Variants in KDM6A observed in about 807,000 individuals in gnomAD.
KDM6A encodes lysine-specific demethylase 6A.
Under a neutral mutation model 117.6 loss-of-function variants are expected in KDM6A, and 11 were observed. That is an observed-to-expected ratio of 0.09 (90% CI 0.06 to 0.15). KDM6A has a LOEUF of 0.15. Among genes scored for constraint, KDM6A ranks in the 10% least tolerant of loss-of-function variants. The pLI is 1.00. For missense variants in KDM6A, 799 were observed against 1,077.3 expected, an observed-to-expected ratio of 0.74 and a Z score of 3.62; for synonymous variants, 384 against 396.1, an observed-to-expected ratio of 0.97 and a Z score of 0.36.
intron 2 of KDM6A, among the ~76,000 whole-genome samples, chrX:44,953,251 A>G (rs2038126494): frequency 9.0e-6 from 1 of 110,761 alleles, no homozygotes; most frequent in Non-Finnish European, 1.9e-5. Context: ...AGTCCAGGAG[A>G]GTTACTGAAG....
intron 2 of KDM6A, among the ~76,000 whole-genome samples, chrX:44,916,982 A>G (rs914546121): frequency 1.9e-5 from 2 of 107,171 alleles, no homozygotes; most frequent in African/African-American, 6.9e-5. Flanking sequence ...TCTTTCCTGC[A>G]TGATTGCTAT....
At chrX:44,902,534 C>T (rs1439355571) in intron 2 of KDM6A, among the ~76,000 whole-genome samples, 1 of 109,513 alleles carries the variant, frequency 9.1e-6, no homozygotes, top group Admixed American at 9.7e-5. Context: ...GGATTACAGG[C>T]GTATGCCACC....
At chrX:44,934,103 A>G (rs2036831910) in intron 2 of KDM6A, among the ~76,000 whole-genome samples, 1 of 112,083 alleles carries the variant, frequency 8.9e-6, no homozygotes, top group Non-Finnish European at 1.9e-5. Context: ...TCCTATCACA[A>G]ATTCTTGCCC....
chrX:45,009,852 A>T (rs2041675459), intron 4 of KDM6A, among the ~76,000 whole-genome samples: 1 of 111,087 alleles, frequency 9.0e-6, no homozygotes. Context: ...TCCTTTCCTG[A>T]CTCACTTCTT....
Position 45,077,198 on chromosome X carries a change from A to G in KDM6A, c.2988+372A>G, listed in dbSNP as rs775700772. ...TCTGTTTTATACATCTACCCCCCCA[A>G]AAAAGATACTACCTTCAAAATAAGT... On this transcript the variant is annotated intron_variant, in intron 19 of 29. Coordinates refer to ENST00000611820, the MANE Select transcript of KDM6A (RefSeq NM_001291415.2). 8.1e-5 allele frequency among the ~76,000 whole-genome samples: 9 copies of G among 110,432 alleles called. 1 individual carries two copies. The South Asian group carries it at 3.5e-3, about 43-fold the overall frequency.
chrX:44,915,377 T>C (rs2035486187), intron 2 of KDM6A, among the ~76,000 whole-genome samples: 1 of 112,113 alleles, frequency 8.9e-6, no homozygotes, highest in Non-Finnish European at 1.9e-5. Context: ...ATTTATTGCT[T>C]GTGTTCATCA....
intron 8 of KDM6A, among the ~76,000 whole-genome samples, chrX:45,045,195 TC>T (rs1164780851): frequency 9.0e-6 from 1 of 111,380 alleles, no homozygotes; most frequent in African/African-American, 3.3e-5. Flanking sequence ...TCTCAAAGTA[TC>T]CATTAGGTAA....
chrX:44,951,485 T>TA (rs2037996640), intron 2 of KDM6A, among the ~76,000 whole-genome samples: 1 of 111,911 alleles, frequency 8.9e-6, no homozygotes, highest in Non-Finnish European at 1.9e-5. Context: ...TATGGGAACT[T>TA]AGTTTTTTTT....
intron 4 of KDM6A, among the ~76,000 whole-genome samples, chrX:44,988,167 A>G (rs2040353067): frequency 9.0e-6 from 1 of 111,431 alleles, no homozygotes; most frequent in Non-Finnish European, 1.9e-5. Flanking sequence ...TTGATCTTCC[A>G]TCGTTGATAC....
chrX:44,911,893 G>A (rs748704440), intron 2 of KDM6A, among the ~76,000 whole-genome samples: 3 of 110,225 alleles, frequency 2.7e-5, no homozygotes, highest in South Asian at 3.9e-4. Flanking sequence ...CAGGCGTGGC[G>A]GCGCGCGCCT....
intron 2 of KDM6A, among the ~76,000 whole-genome samples, chrX:44,951,714 G>A (rs896679608): frequency 3.6e-5 from 4 of 110,643 alleles, no homozygotes; most frequent in African/African-American, 6.6e-5. Flanking sequence ...GAGCTAGTGT[G>A]TAGGAGAAAA....
intron 2 of KDM6A, among the ~76,000 whole-genome samples, chrX:44,904,381 C>A: frequency 9.0e-6 from 1 of 111,463 alleles, no homozygotes; most frequent in Middle Eastern, 4.2e-3. Context: ...TGCACACAGC[C>A]CCTTATCTGT....
At chrX:45,014,825 TC>T (rs1043700423) in intron 5 of KDM6A, among the ~76,000 whole-genome samples, 1 of 112,200 alleles carries the variant, frequency 8.9e-6, no homozygotes, top group Non-Finnish European at 1.9e-5. Flanking sequence ...ACTATCTCTG[TC>T]CTGTAACCTT....
intron 21 of KDM6A, among the ~76,000 whole-genome samples, chrX:45,079,566 C>T (rs1167878602): frequency 9.0e-6 from 1 of 111,414 alleles, no homozygotes. Flanking sequence ...TATTTTGAGA[C>T]GGAGTCTCCA....
At chrX:44,896,578 C>G (rs2033873019) in intron 2 of KDM6A, among the ~76,000 whole-genome samples, 2 of 92,364 alleles carry the variant, frequency 2.2e-5, no homozygotes, top group African/African-American at 7.8e-5. Flanking sequence ...TTCCAAAGTT[C>G]TTTTTTTTTT....
At chrX:44,992,978 G>C (rs1234315686) in intron 4 of KDM6A, among the ~76,000 whole-genome samples, 1 of 112,199 alleles carries the variant, frequency 8.9e-6, no homozygotes, top group Non-Finnish European at 1.9e-5. Flanking sequence ...CTCCTGTCAT[G>C]ATTAGATAGC....
At chrX:44,897,595 G>T (rs1276023796) in intron 2 of KDM6A, among the ~76,000 whole-genome samples, 1 of 110,904 alleles carries the variant, frequency 9.0e-6, no homozygotes, top group Admixed American at 9.6e-5. Context: ...AAGAGACAGG[G>T]TCGTGATCAG....
intron 4 of KDM6A, among the ~76,000 whole-genome samples, chrX:44,993,080 A>G (rs2040699225): frequency 8.9e-6 from 1 of 111,895 alleles, no homozygotes; most frequent in South Asian, 3.7e-4. Context: ...TTTCATTGTC[A>G]GCTTCTGGTA....
intron 4 of KDM6A, among the ~76,000 whole-genome samples, chrX:44,977,002 A>T (rs2039646514): frequency 9.0e-6 from 1 of 111,254 alleles, no homozygotes; most frequent in Non-Finnish European, 1.9e-5. Context: ...TTAATTATCT[A>T]ATTTTTGAGT....
Sources: allele counts gnomAD v4.1 joint callset (sites outside exome capture counted in the v4.1 genomes callset), GRCh38; gene constraint gnomAD v4.1.1; transcripts MANE v1.5; gene names NCBI Gene and HGNC (gene_info 2026-07-23, HGNC 2026-07-21).